Variants in CIPC observed in about 807,000 individuals in gnomAD.
CIPC encodes the protein CLOCK-interacting pacemaker.
A neutral mutation model predicts 26.7 loss-of-function variants in CIPC; 12 were observed. The observed-to-expected ratio is 0.45, with a 90% CI of 0.29 to 0.73. The LOEUF is 0.73. Ranked by LOEUF, CIPC falls within the 30% of genes least tolerant of loss-of-function variation. CIPC has a pLI of 0.12. For synonymous variants in CIPC, 170 were observed against 189.8 expected (o/e 0.90, Z 0.86); for missense variants, 417 against 486.5 (o/e 0.86, Z 1.34).
At chr14:77,102,169 C>T (rs1886501806) in intron 1 of CIPC, among the ~76,000 whole-genome samples, 1 of 152,232 alleles carries the variant, frequency 6.6e-6, no homozygotes, top group Admixed American at 6.5e-5. Context: ...TCTGTCTGTC[C>T]AGAATTATTC....
Position 77,113,695 on chromosome 14 carries a change from C to A in CIPC, c.577C>A (p.Leu193Ile). The change falls in exon 4 of 4, where the codon CTT becomes ATT. Residue 193 changes from leucine to isoleucine, a missense_variant. Transcript: ENST00000361786. ...GVQKKICTER[L>I]GPSLSSSEPT... is the part of the protein sequence containing the mutation. ...GCAGAAGAAAATCTGTACTGAGAGACTTGGGCCTAGCTTGTCTTCCAGTGA... is the reference window on the plus strand; with the variant it reads ...GCAGAAGAAAATCTGTACTGAGAGAATTGGGCCTAGCTTGTCTTCCAGTGA... 2 of 1,612,920 alleles carry A rather than the reference C, an allele frequency of 1.2e-6. No individual in the cohort carries two copies. The highest frequency in any genetic ancestry group is 1.7e-6 in the Non-Finnish European group (2 of 1,179,262).
intron 3 of CIPC, 167 bp from the exon 4 acceptor site, chr14:77,113,258 T>A: frequency 1.4e-6 from 1 of 733,892 alleles, no homozygotes; most frequent in Non-Finnish European, 2.4e-6. Flanking sequence ...TAAAAAGTAT[T>A]TGTGATATCA....
intron 1 of CIPC, among the ~76,000 whole-genome samples, chr14:77,105,359 C>A (rs1425519741): frequency 1.3e-5 from 2 of 152,096 alleles, no homozygotes; most frequent in Non-Finnish European, 2.9e-5. Flanking sequence ...ATTTCGTTAC[C>A]CATTGGAAAA....
intron 1 of CIPC, among the ~76,000 whole-genome samples, chr14:77,103,342 G>A (rs1033164408): frequency 6.6e-6 from 1 of 152,166 alleles, no homozygotes; most frequent in Non-Finnish European, 1.5e-5. Context: ...ATATTAGCAG[G>A]AATGTCCAGA....
intron 2 of CIPC, among the ~76,000 whole-genome samples, chr14:77,106,546 C>T (rs998462958): frequency 6.6e-6 from 1 of 151,984 alleles, no homozygotes; most frequent in Non-Finnish European, 1.5e-5. Context: ...TTGAATATGG[C>T]GCTAGTGTGA....
intron 2 of CIPC, among the ~76,000 whole-genome samples, chr14:77,109,369 T>C (rs897157945): frequency 1.3e-5 from 2 of 152,234 alleles, no homozygotes; most frequent in African/African-American, 2.4e-5. Context: ...ATTGGTTTTG[T>C]TTTTTTAATT....
rs1886580189 is a variant in CIPC at position 77,105,786 on chromosome 14, A to G, written c.78A>G (p.Lys26=). 1.2e-6 allele frequency: 2 copies of G among 1,614,188 alleles called. No individual in the cohort carries two copies. The highest frequency in any genetic ancestry group is 1.7e-6 in the Non-Finnish European group (2 of 1,180,006). ...AKVGKGTEMK[K]VARQLGMAAA... is the part of the protein sequence containing the mutation. ...TAGGCAAAGGCACAGAGATGAAGAA[A>G]GTGGCTCGTCAGCTTGGGATGGCTG... is the stretch of plus-strand genomic sequence containing the variant. The change falls in exon 2 of 4, where the codon AAA becomes AAG. Residue 26 remains lysine (K), a synonymous_variant. Transcript: ENST00000361786.
rs188069518 is a variant in CIPC at position 77,108,309 on chromosome 14, G to T, written c.137-1503G>T. On this transcript the variant is annotated intron_variant, in intron 2 of 3. Transcript: ENST00000361786. ...ATTTATGGGATAATACTTTATAATT[G>T]TGTGACTATCCTATTCCCCAACAAA... is the stretch of plus-strand genomic sequence containing the variant. Among the ~76,000 whole-genome samples, 5 of 152,226 alleles carry T rather than the reference G, an allele frequency of 3.3e-5. No individual in the cohort carries two copies. In the East Asian group the frequency reaches 9.6e-4, roughly 29 times the overall value.
At chr14:77,107,952 A>G (rs1332308196) in intron 2 of CIPC, among the ~76,000 whole-genome samples, 2 of 152,126 alleles carry the variant, frequency 1.3e-5, no homozygotes, top group Admixed American at 6.5e-5. Flanking sequence ...AGTCTGGTTT[A>G]GTTTATAACC....
chr14:77,110,457 A>C (rs553911241), intron 3 of CIPC, among the ~76,000 whole-genome samples: 3 of 151,130 alleles, frequency 2.0e-5, no homozygotes, highest in African/African-American at 7.4e-5. Flanking sequence ...TTTTCTTAGT[A>C]GTCAGCCAGA....
At chr14:77,101,365 A>G (rs1235546751) in intron 1 of CIPC, among the ~76,000 whole-genome samples, 2 of 152,190 alleles carry the variant, frequency 1.3e-5, no homozygotes, top group Non-Finnish European at 2.9e-5. Flanking sequence ...TCTACATCCC[A>G]TGTGAGCCTC....
chr14:77,100,399 G>C (rs576936864), intron 1 of CIPC, among the ~76,000 whole-genome samples: 2 of 151,514 alleles, frequency 1.3e-5, no homozygotes, highest in South Asian at 4.2e-4. Context: ...ACATCCCCAA[G>C]CCCAGCTAAT....
rs4903543 is a variant in CIPC, at chr14:77,114,918, G to C, written c.*600G>C. 30,226 of 152,724 alleles carry C rather than the reference G, an allele frequency of 0.2. 3,291 individuals carry two copies. The highest frequency in any genetic ancestry group is 0.26 in the Non-Finnish European group (17,528 of 68,432). The allele number at this position is 152,724 out of a possible 1,614,324, so 9.5% of individuals were successfully genotyped here. On this transcript the variant is annotated 3_prime_UTR_variant, in exon 4 of 4. Coordinates refer to ENST00000361786, the MANE Select transcript of CIPC (RefSeq NM_033426.3). ...TTACACTTGAAAATCAAGGGAAAGA[G>C]TAGTACCATCTGACTCCTACACTTT...
At chr14:77,106,952 C>T (rs904256124) in intron 2 of CIPC, among the ~76,000 whole-genome samples, 3 of 152,134 alleles carry the variant, frequency 2.0e-5, no homozygotes, top group African/African-American at 4.8e-5. Flanking sequence ...CCTAAGCCTG[C>T]CTCATCATAA....
chr14:77,105,604 T>C (rs1886575844), intron 1 of CIPC, 53 bp from the exon 2 acceptor site: 9 of 1,235,430 alleles, frequency 7.3e-6, no homozygotes, highest in Non-Finnish European at 1.0e-5. Flanking sequence ...ACTGTTTGGA[T>C]CACCTGTTTC....
intron 1 of CIPC, chr14:77,099,960 A>G (rs892503755): frequency 5.3e-5 from 8 of 152,240 alleles, no homozygotes; most frequent in Non-Finnish European, 8.8e-5. Context: ...CAAGCTGTTC[A>G]GGTATTTCTG....
Position 77,113,455 on chromosome 14 carries a change from A to C in CIPC, c.337A>C (p.Thr113Pro). 6.2e-7 allele frequency: 1 copy of C among 1,614,146 alleles called. No homozygotes were observed. Among genetic ancestry groups the C allele is most frequent in the Non-Finnish European group, 8.5e-7 (1 of 1,180,040 alleles). Residue 113 changes from threonine to proline, a missense_variant, in exon 4 of 4, where the codon ACT becomes CCT. Physicochemically the swap from Thr to Pro is conservative, Grantham distance 38. Transcript: ENST00000361786. ...CAGCTCATCCCAGCTCCAGTCGTGGACTGTCCAGCCCTCCTTTGAAGTGAT... is the reference window on the plus strand; with the variant it reads ...CAGCTCATCCCAGCTCCAGTCGTGGCCTGTCCAGCCCTCCTTTGAAGTGAT... ...GSSSSQLQSW[T>P]VQPSFEVISA...
chr14:77,106,079 T>G (rs1594820214), intron 2 of CIPC: 2 of 340,832 alleles, frequency 5.9e-6, no homozygotes, highest in East Asian at 9.7e-5. Flanking sequence ...CTCTGAATCT[T>G]ACACTTCCAA....
chr14:77,114,200 T>C lies in CIPC; in HGVS notation c.1082T>C (p.Ile361Thr). The C allele has an allele frequency of 1.9e-6, 3 of 1,614,188 alleles. No individual in the cohort carries two copies. The highest frequency in any genetic ancestry group is 2.5e-6 in the Non-Finnish European group (3 of 1,180,036). Residue 361 changes from isoleucine to threonine, a missense_variant, in exon 4 of 4, where the codon ATA (isoleucine) becomes ACA (threonine). By Grantham distance (89) the Ile-to-Thr change is moderately conservative (BLOSUM62 -1). Transcript: ENST00000361786. ...DQLKEQTQLF[I>T]EATKSRAPQA... is the part of the protein sequence containing the mutation. Reference sequence around the variant, plus strand: ...CTAAAGGAGCAAACCCAGCTGTTTATAGAAGCCACCAAGAGCAGGGCCCCT... The same window carrying C: ...CTAAAGGAGCAAACCCAGCTGTTTACAGAAGCCACCAAGAGCAGGGCCCCT...
Sources: gnomAD v4.1 joint callset for allele counts (sites outside exome capture counted in the v4.1 genomes callset) on GRCh38, gnomAD v4.1.1 for gene constraint, MANE v1.5 for transcripts, NCBI Gene and HGNC (gene_info 2026-07-23, HGNC 2026-07-21) for gene names.